The following LAMA3 variants were observed in gnomAD, a reference collection of about 807,000 sequenced individuals.
The protein encoded by LAMA3 is laminin subunit alpha-3.
In LAMA3, 281 loss-of-function variants were observed where a neutral mutation model predicts 402.0. That is an observed-to-expected ratio of 0.70 (90% CI 0.63 to 0.77). The LOEUF is 0.77. LAMA3 is among the 30% of genes least tolerant of loss of function. LAMA3 has a pLI of 0.00. For synonymous variants in LAMA3, 1,431 were observed against 1,558.4 expected (o/e 0.92, Z 1.93); for missense variants, 3,840 against 4,215.5 (o/e 0.91, Z 2.47).
Position 23,832,125 on chromosome 18 carries a change from A to G in LAMA3, c.2824-1703A>G, listed in dbSNP as rs142004277. 3.7e-4 allele frequency among the ~76,000 whole-genome samples: 56 copies of G among 152,330 alleles called. No individual in the cohort carries two copies. In the South Asian group the frequency reaches 3.7e-3, roughly 10 times the overall value. ...AGAGTGGAAAGAGTAGTAGAAATTT[A>G]TAATAGAGTGCTAGATAGAACTTGC... is the stretch of plus-strand genomic sequence containing the variant. On this transcript the variant is annotated intron_variant, in intron 23 of 74. Coordinates refer to ENST00000313654, the MANE Select transcript of LAMA3 (RefSeq NM_198129.4).
chr18:23,834,450 GA>G (rs1274109325), intron 24 of LAMA3: 14 of 166,230 alleles, frequency 8.4e-5, no homozygotes, highest in East Asian at 3.2e-4. Flanking sequence ...TTGTCAAGTG[GA>G]AAAAAAAATT....
intron 29 of LAMA3, among the ~76,000 whole-genome samples, chr18:23,843,721 A>G (rs1311693324): frequency 6.6e-6 from 1 of 152,136 alleles, no homozygotes; most frequent in African/African-American, 2.4e-5. Context: ...CCTAGGATCC[A>G]CGTGCCTCAC....
chr18:23,954,695 T>A lies in LAMA3; in HGVS notation c.*47T>A. 1 of 1,589,888 alleles carries A rather than the reference T, an allele frequency of 6.3e-7. No individual in the cohort carries two copies. Among genetic ancestry groups the A allele is most frequent in the Non-Finnish European group, 8.6e-7 (1 of 1,158,100 alleles). On this transcript the variant is annotated 3_prime_UTR_variant, in exon 75 of 75. Transcript: ENST00000313654. ...GGAAATTCACCTTCAAAAGCACTGA[T>A]TACCCAATGCACCTCCCTCCCCAGC...
intron 74 of LAMA3, 113 bp downstream of exon 74, chr18:23,953,222 T>TTCCCCACATGCCAG: frequency 7.2e-7 from 1 of 1,386,922 alleles, no homozygotes; most frequent in Non-Finnish European, 1.0e-6. Context: ...GTGAGGCCCT[T>TTCCCCACATGCCAG]TGCACTGGCA....
intron 32 of LAMA3, among the ~76,000 whole-genome samples, chr18:23,852,071 T>G (rs1284571338): frequency 6.6e-6 from 1 of 152,204 alleles, no homozygotes; most frequent in Non-Finnish European, 1.5e-5. Context: ...AGGTGTCAAC[T>G]TCTGGCAAGG....
intron 2 of LAMA3, among the ~76,000 whole-genome samples, chr18:23,734,893 C>T (rs544607136): frequency 6.6e-6 from 1 of 152,172 alleles, no homozygotes. Context: ...AGGAGCAGGA[C>T]CTGGCCGTCC....
intron 35 of LAMA3, among the ~76,000 whole-genome samples, chr18:23,863,351 A>G (rs535455146): frequency 6.6e-6 from 1 of 152,334 alleles, no homozygotes; most frequent in East Asian, 1.9e-4. Flanking sequence ...AGGCTGAGCC[A>G]GGAGAATCAT....
chr18:23,916,722 A>G (rs772776409), intron 60 of LAMA3, 27 bp downstream of exon 60: 1 of 1,610,564 alleles, frequency 6.2e-7, no homozygotes, highest in South Asian at 1.1e-5. Context: ...ATCCAGATAC[A>G]ACCAAATATA....
intron 6 of LAMA3, 88 bp from the exon 7 acceptor site, chr18:23,758,308 G>A: frequency 1.2e-6 from 1 of 865,540 alleles, no homozygotes; most frequent in Non-Finnish European, 1.9e-6. Flanking sequence ...TGACCGTGAT[G>A]ACTCGTGTGT....
At chr18:23,952,377 C>T (rs1220379042) in intron 73 of LAMA3, among the ~76,000 whole-genome samples, 1 of 151,806 alleles carries the variant, frequency 6.6e-6, no homozygotes, top group Non-Finnish European at 1.5e-5. Flanking sequence ...TTTAGACAAC[C>T]CGATGAGTAG....
intron 6 of LAMA3, among the ~76,000 whole-genome samples, chr18:23,757,860 G>A (rs939752163): frequency 2.0e-5 from 3 of 152,182 alleles, no homozygotes; most frequent in African/African-American, 7.2e-5. Context: ...CTCAGCTTTT[G>A]GCCCCATGAT....
intron 14 of LAMA3, among the ~76,000 whole-genome samples, chr18:23,813,981 A>T (rs2063128318): frequency 6.6e-6 from 1 of 152,194 alleles, no homozygotes; most frequent in South Asian, 2.1e-4. Flanking sequence ...GATGACATTG[A>T]TGCAAGGCTG....
At chr18:23,889,724 GAAA>G (rs2080586545) in intron 41 of LAMA3, among the ~76,000 whole-genome samples, 2 of 121,296 alleles carry the variant, frequency 1.6e-5, no homozygotes, top group Admixed American at 1.0e-4. Context: ...AAGGAAGGAA[GAAA>G]GGAAGGAAAG....
At chr18:23,812,124 T>C (rs1178022307) in intron 13 of LAMA3, among the ~76,000 whole-genome samples, 2 of 151,976 alleles carry the variant, frequency 1.3e-5, no homozygotes. Flanking sequence ...TTGCCCGCCT[T>C]GGCCTCCCAA....
chr18:23,855,169 TTA>T (rs1238825263), intron 32 of LAMA3, among the ~76,000 whole-genome samples: 1 of 152,210 alleles, frequency 6.6e-6, no homozygotes, highest in Non-Finnish European at 1.5e-5. Context: ...CACCAGCATC[TTA>T]TTAATTCACC....
intron 65 of LAMA3, chr18:23,931,642 C>A: frequency 4.9e-6 from 1 of 204,060 alleles, no homozygotes; most frequent in Non-Finnish European, 1.0e-5. Flanking sequence ...ATGACCCTCA[C>A]AAACATAATG....
intron 1 of LAMA3, among the ~76,000 whole-genome samples, chr18:23,692,008 C>G (rs1178865839): frequency 1.1e-4 from 17 of 152,196 alleles, no homozygotes; most frequent in Admixed American, 1.1e-3. Flanking sequence ...AAATGTAGAA[C>G]CCCTTGTTAA....
chr18:23,852,132 CT>C (rs1490506211), intron 32 of LAMA3, among the ~76,000 whole-genome samples: 1 of 152,158 alleles, frequency 6.6e-6, no homozygotes, highest in Non-Finnish European at 1.5e-5. Flanking sequence ...TGGTTAAGTC[CT>C]TTTACCACTT....
chr18:23,690,065 C>A (rs2145785419), intron 1 of LAMA3, 88 bp downstream of exon 1: 1 of 1,098,858 alleles, frequency 9.1e-7, no homozygotes, highest in Non-Finnish European at 1.2e-6. Context: ...GCCCTTTCCT[C>A]ACGCGCGCTA....
Sources: gnomAD v4.1 joint callset for allele counts (sites outside exome capture counted in the v4.1 genomes callset) on GRCh38, gnomAD v4.1.1 for gene constraint, MANE v1.5 for transcripts, NCBI Gene and HGNC (gene_info 2026-07-23, HGNC 2026-07-21) for gene names.